The following SLC38A6 variants were observed in gnomAD, a reference collection of about 807,000 sequenced individuals.
SLC38A6 encodes solute carrier family 38 member 6.
SLC38A6 carries 73 observed loss-of-function variants against 65.0 expected under a neutral mutation model. The ratio of observed to expected loss-of-function variants is 1.12; its 90% confidence interval spans 0.93 to 1.37. SLC38A6 has a LOEUF of 1.37. SLC38A6 is among the 40% of genes most tolerant of loss of function. The pLI is 0.00. For synonymous variants in SLC38A6, 183 were observed against 178.8 expected, an observed-to-expected ratio of 1.02 and a Z score of -0.19; for missense variants, 561 against 531.1, an observed-to-expected ratio of 1.06 and a Z score of -0.55.
intron 12 of SLC38A6, among the ~76,000 whole-genome samples, chr14:61,050,148 G>A (rs564156865): frequency 4.6e-5 from 7 of 152,218 alleles, no homozygotes; most frequent in East Asian, 1.9e-4. Context: ...ACCTACCTGC[G>A]TATTAATATT....
intron 3 of SLC38A6, among the ~76,000 whole-genome samples, chr14:61,013,466 T>C (rs993943093): frequency 1.3e-5 from 2 of 152,234 alleles, no homozygotes; most frequent in African/African-American, 4.8e-5. Context: ...GTTGATGCAG[T>C]TTCTTCCTAG....
At chr14:60,996,803 A>G (rs1367133064) in intron 3 of SLC38A6, among the ~76,000 whole-genome samples, 3 of 152,186 alleles carry the variant, frequency 2.0e-5, no homozygotes, top group Non-Finnish European at 2.9e-5. Context: ...AAGTCTTCCT[A>G]GGAGCAATAC....
At chr14:61,024,788 C>G (rs1166966987) in intron 5 of SLC38A6, among the ~76,000 whole-genome samples, 1 of 152,184 alleles carries the variant, frequency 6.6e-6, no homozygotes, top group African/African-American at 2.4e-5. Context: ...GTCTTATTAA[C>G]TCTTACAAGC....
At chr14:60,982,664 A>ATT in intron 2 of SLC38A6, 26 bp downstream of exon 2, 1 of 1,571,384 alleles carries the variant, frequency 6.4e-7, no homozygotes, top group Non-Finnish European at 8.6e-7. Context: ...TTAGCATCAA[A>ATT]TTTTTTTTTC....
intron 15 of SLC38A6, among the ~76,000 whole-genome samples, chr14:61,068,899 T>C (rs996207753): frequency 2.0e-5 from 3 of 152,220 alleles, no homozygotes; most frequent in African/African-American, 7.2e-5. Context: ...TCTTTACCTC[T>C]AATCTGTCAC....
At chr14:61,051,271 C>G (rs946097170) in intron 13 of SLC38A6, among the ~76,000 whole-genome samples, 1 of 152,094 alleles carries the variant, frequency 6.6e-6, no homozygotes, top group African/African-American at 2.4e-5. Context: ...GCTGCAGTGC[C>G]AAGATTACAG....
intron 15 of SLC38A6, among the ~76,000 whole-genome samples, chr14:61,076,407 A>T (rs942363161): frequency 5.9e-5 from 9 of 152,226 alleles, no homozygotes; most frequent in African/African-American, 2.2e-4. Flanking sequence ...TGCCAAGCAC[A>T]TTCTCATGTA....
intron 15 of SLC38A6, among the ~76,000 whole-genome samples, chr14:61,069,166 A>T (rs1461901116): frequency 6.6e-6 from 1 of 152,152 alleles, no homozygotes; most frequent in Non-Finnish European, 1.5e-5. Context: ...AGCTTCCCAG[A>T]TGACTCCAAT....
chr14:61,064,932 T>C (rs1594777888), intron 15 of SLC38A6, among the ~76,000 whole-genome samples: 1 of 152,290 alleles, frequency 6.6e-6, no homozygotes, highest in African/African-American at 2.4e-5. Context: ...CTCATGAGCT[T>C]AGCATTTAAA....
intron 15 of SLC38A6, among the ~76,000 whole-genome samples, chr14:61,069,639 A>T (rs111466168): frequency 2.6e-5 from 4 of 151,938 alleles, no homozygotes; most frequent in Non-Finnish European, 4.4e-5. Flanking sequence ...TTCTGTAAAC[A>T]CTTTATTCTC....
At chr14:61,038,729 G>A (rs1375309505) in intron 8 of SLC38A6, among the ~76,000 whole-genome samples, 3 of 152,118 alleles carry the variant, frequency 2.0e-5, no homozygotes, top group Admixed American at 6.6e-5. Flanking sequence ...TCTGATTTTA[G>A]TATATATAAG....
intron 3 of SLC38A6, chr14:60,986,902 T>G (rs2037487214): frequency 5.0e-6 from 1 of 199,394 alleles, no homozygotes; most frequent in Admixed American, 6.3e-5. Context: ...GTGTGGAGAT[T>G]TCTAAGTAAT....
intron 12 of SLC38A6, 106 bp from the exon 13 acceptor site, chr14:61,050,406 A>G: frequency 4.4e-6 from 3 of 678,888 alleles, no homozygotes; most frequent in Non-Finnish European, 6.4e-6. Context: ...GGATTTGGTA[A>G]TGGGAATCTA....
At chr14:61,044,628 A>T (rs1243186402) in intron 10 of SLC38A6, among the ~76,000 whole-genome samples, 1 of 152,206 alleles carries the variant, frequency 6.6e-6, no homozygotes, top group Non-Finnish European at 1.5e-5. Flanking sequence ...TTTAGAGCAG[A>T]AAGGAGAAAA....
At chr14:61,025,645 A>G (rs1378742578) in intron 5 of SLC38A6, among the ~76,000 whole-genome samples, 1 of 152,166 alleles carries the variant, frequency 6.6e-6, no homozygotes, top group Non-Finnish European at 1.5e-5. Flanking sequence ...TCAGAACAGT[A>G]GATATTTTGG....
chr14:61,038,252 A>G (rs1215795065), intron 8 of SLC38A6, among the ~76,000 whole-genome samples: 1 of 151,992 alleles, frequency 6.6e-6, no homozygotes, highest in Non-Finnish European at 1.5e-5. Context: ...TTTTTATTAT[A>G]TAAAAATATC....
chr14:61,043,529 T>C, intron 10 of SLC38A6, 26 bp downstream of exon 10: 1 of 1,550,046 alleles, frequency 6.5e-7, no homozygotes, highest in East Asian at 2.3e-5. Flanking sequence ...ACAGATACTT[T>C]TAGTTGATTT....
chr14:61,010,970 G>T (rs2039516417), intron 3 of SLC38A6, among the ~76,000 whole-genome samples: 1 of 152,148 alleles, frequency 6.6e-6, no homozygotes, highest in Non-Finnish European at 1.5e-5. Flanking sequence ...AAATTACCTT[G>T]GGCAGTATGG....
intron 3 of SLC38A6, among the ~76,000 whole-genome samples, chr14:60,988,621 T>A (rs75472967): frequency 0.01 from 1,571 of 152,272 alleles, 24 homozygotes; most frequent in African/African-American, 0.03. Flanking sequence ...ACCATCTCCT[T>A]TGTTTCTAAC....
Sources: gnomAD v4.1 joint callset for allele counts (sites outside exome capture counted in the v4.1 genomes callset) on GRCh38, gnomAD v4.1.1 for gene constraint, MANE v1.5 for transcripts, NCBI Gene and HGNC (gene_info 2026-07-23, HGNC 2026-07-21) for gene names.